The following HP1BP3 variants were observed in gnomAD, a reference collection of about 807,000 sequenced individuals.
HP1BP3 encodes heterochromatin protein 1-binding protein 3.
A neutral mutation model predicts 62.5 loss-of-function variants in HP1BP3; 12 were observed. The ratio of observed to expected loss-of-function variants is 0.19; its 90% CI spans 0.12 to 0.31. The LOEUF (loss-of-function observed/expected upper bound fraction) is 0.31, where lower values mean the gene tolerates loss of function less well. Among genes scored for constraint, HP1BP3 ranks in the 10% least tolerant of loss-of-function variants. The pLI is 1.00. For synonymous variants in HP1BP3, 260 were observed against 237.8 expected (o/e 1.09, Z -0.86); for missense variants, 502 against 651.8 (o/e 0.77, Z 2.50).
Position 20,780,376 on chromosome 1 carries a change from G to A in HP1BP3, c.65C>T (p.Ala22Val). ...HPKALPLIVG[A>V]QLIHADKLGE... The stretch of plus-strand genomic sequence containing the variant: ...TAACTTGTCCGCGTGGATCAGCTGA[G>A]CTCCTACTATAAGTGGGAGTGCCTT... Residue 22 changes from alanine (A) to valine (V), a missense_variant, in exon 2 of 13, where the codon GCT becomes GTT. By Grantham distance (64) the Ala-to-Val change is moderately conservative. This residue lies in a region of HP1BP3 where 165 missense variants were observed against 156.4 expected (regional missense o/e 1.05). Coordinates refer to ENST00000438032, the MANE Select transcript of HP1BP3 (RefSeq NM_001372052.1). 6.2e-7 allele frequency: 1 copy of A among 1,613,410 alleles called. No individual in the cohort carries two copies. Among genetic ancestry groups the A allele is most frequent in the African/African-American group, 1.3e-5 (1 of 75,032 alleles).
chr1:20,765,074 C>T (rs2056709731), intron 8 of HP1BP3, among the ~76,000 whole-genome samples: 1 of 149,266 alleles, frequency 6.7e-6, no homozygotes, highest in African/African-American at 2.5e-5. Flanking sequence ...GAGGCGGAGG[C>T]AGGAGAATCC....
chr1:20,746,883 G>A (rs1345350518), intron 11 of HP1BP3, among the ~76,000 whole-genome samples: 1 of 152,178 alleles, frequency 6.6e-6, no homozygotes, highest in South Asian at 2.1e-4. Flanking sequence ...GGGTGTGGTG[G>A]CGCGCACCTG....
At chr1:20,754,711 G>A (rs758000839) in intron 9 of HP1BP3, among the ~76,000 whole-genome samples, 3 of 151,976 alleles carry the variant, frequency 2.0e-5, no homozygotes, top group African/African-American at 4.8e-5. Flanking sequence ...AAGATGCTAC[G>A]GCAATTCAAT....
rs779746464 is a variant in HP1BP3 at position 20,780,435 on chromosome 1, C to T, written c.6G>A (p.Ala2=). 2.5e-6 allele frequency: 4 copies of T among 1,611,288 alleles called. No homozygotes were observed. The highest frequency in any genetic ancestry group is 1.7e-5 in the Admixed American group (1 of 60,012). ...CGAGTTCACCTTGAGACGTATCAGT[C>T]GCCATTTTAAATAATTTCTAGGCCC... M[A]TDTSQGELVH... is the part of the protein sequence containing the mutation. Residue 2 remains alanine (A), a synonymous_variant, in exon 2 of 13, where the codon GCG becomes GCA. Coordinates refer to ENST00000438032, the MANE Select transcript of HP1BP3 (RefSeq NM_001372052.1).
intron 5 of HP1BP3, among the ~76,000 whole-genome samples, chr1:20,771,787 A>G (rs1012314444): frequency 3.3e-5 from 5 of 152,234 alleles, no homozygotes; most frequent in African/African-American, 1.2e-4. Context: ...CAAATACTTT[A>G]AATTTTGAAA....
chr1:20,776,180 C>T (rs2057297244), intron 4 of HP1BP3: 2 of 563,948 alleles, frequency 3.5e-6, no homozygotes, highest in African/African-American at 1.9e-5. Context: ...TGATACAAAT[C>T]AATGCCTTCT....
chr1:20,765,697 G>A (rs865901602), intron 7 of HP1BP3, among the ~76,000 whole-genome samples, 166 bp from the exon 8 acceptor site: 2 of 152,164 alleles, frequency 1.3e-5, no homozygotes, highest in South Asian at 4.1e-4. Flanking sequence ...AAAGCTGGGT[G>A]TGGTGGCTCA....
At chr1:20,760,675 A>G (rs1271612649) in intron 8 of HP1BP3, among the ~76,000 whole-genome samples, 1 of 152,080 alleles carries the variant, frequency 6.6e-6, no homozygotes, top group Non-Finnish European at 1.5e-5. Context: ...TGTCTCTACT[A>G]AAAATACAAA....
intron 10 of HP1BP3, among the ~76,000 whole-genome samples, 198 bp from the exon 11 acceptor site, chr1:20,747,853 T>C (rs2055437880): frequency 1.3e-5 from 2 of 152,158 alleles, no homozygotes; most frequent in African/African-American, 2.4e-5. Context: ...TTAAATTATA[T>C]ACATACATAC....
At chr1:20,776,162 C>A (rs940873155) in intron 4 of HP1BP3, 21 of 638,378 alleles carry the variant, frequency 3.3e-5, no homozygotes, top group Admixed American at 1.4e-4. Flanking sequence ...GTCACACTAC[C>A]AATGGCTTGA....
chr1:20,768,224 A>G (rs2056880906), intron 6 of HP1BP3, among the ~76,000 whole-genome samples: 1 of 152,068 alleles, frequency 6.6e-6, no homozygotes, highest in Non-Finnish European at 1.5e-5. Context: ...AGGCGGGCGA[A>G]TCACGAGGTC....
At chr1:20,754,479 T>C (rs2055975719) in intron 9 of HP1BP3, among the ~76,000 whole-genome samples, 1 of 151,946 alleles carries the variant, frequency 6.6e-6, no homozygotes, top group Non-Finnish European at 1.5e-5. Context: ...GGTTTTTTTT[T>C]TTTGGCAGAA....
intron 9 of HP1BP3, among the ~76,000 whole-genome samples, chr1:20,756,309 C>A (rs1018132426): frequency 6.6e-6 from 1 of 151,902 alleles, no homozygotes; most frequent in Admixed American, 6.6e-5. Flanking sequence ...AAATAAGTAA[C>A]CCAAAATAAA....
chr1:20,786,883 G>C (rs920981840), intron 1 of HP1BP3, among the ~76,000 whole-genome samples: 1 of 152,100 alleles, frequency 6.6e-6, no homozygotes, highest in African/African-American at 2.4e-5. Context: ...ACGCAGGGTC[G>C]CACGGCCAGA....
At chr1:20,746,012 C>T (rs988554401) in intron 11 of HP1BP3, among the ~76,000 whole-genome samples, 1 of 152,022 alleles carries the variant, frequency 6.6e-6, no homozygotes, top group Non-Finnish European at 1.5e-5. Context: ...ACTTCAGCCT[C>T]ATAATACTGG....
chr1:20,770,164 AC>A (rs1262808863), intron 6 of HP1BP3, among the ~76,000 whole-genome samples: 1 of 152,078 alleles, frequency 6.6e-6, no homozygotes, highest in Non-Finnish European at 1.5e-5. Context: ...GTCACATTTC[AC>A]TCGGGTTTCT....
intron 3 of HP1BP3, among the ~76,000 whole-genome samples, chr1:20,777,035 T>A (rs1260553004): frequency 6.6e-6 from 1 of 152,192 alleles, no homozygotes; most frequent in Non-Finnish European, 1.5e-5. Flanking sequence ...TACTTTGCAA[T>A]ATTCATGAGA....
In HP1BP3 at chr1:20,755,199, TACA is replaced by T. The variant is rs573324291; in HGVS notation, c.981+1964_981+1966del. Among the ~76,000 whole-genome samples, 52 of 152,242 alleles carry T rather than the reference TACA, an allele frequency of 3.4e-4. 1 individual carries two copies. The South Asian group carries it at 0.011, about 31-fold the overall frequency. ...TTATTAGGGAAATGCCAATCAAAAC[TACA>T]ACGAGATACCCTATATCCACTAGTA... On this transcript the variant is annotated intron_variant, in intron 9 of 12. Transcript: ENST00000438032.
At chr1:20,782,354 T>C (rs537430687) in intron 1 of HP1BP3, among the ~76,000 whole-genome samples, 45 of 149,880 alleles carry the variant, frequency 3.0e-4, no homozygotes, top group African/African-American at 1.1e-3. Flanking sequence ...GAGGCTAAGG[T>C]AGGAGGTTCA....
Sources: gnomAD v4.1 joint callset for allele counts (sites outside exome capture counted in the v4.1 genomes callset) on GRCh38, gnomAD v4.1.1 for gene constraint, gnomAD v4.1.1 regional missense constraint, MANE v1.5 for transcripts, NCBI Gene and HGNC (gene_info 2026-07-23, HGNC 2026-07-21) for gene names.